SUGP2: variants seen among roughly 807,000 people sequenced by gnomAD.
SUGP2 encodes the protein SURP and G-patch domain-containing protein 2.
SUGP2 carries 24 observed loss-of-function variants against 90.5 expected under a neutral mutation model. The observed-to-expected ratio is 0.27, with a 90% CI of 0.19 to 0.37. The LOEUF is 0.37. Ranked by LOEUF, SUGP2 falls within the 10% of genes least tolerant of loss-of-function variation. The pLI is 1.00. For missense variants in SUGP2, 1,233 were observed against 1,363.3 expected, an observed-to-expected ratio of 0.90 and a Z score of 1.51; for synonymous variants, 473 against 513.4, an observed-to-expected ratio of 0.92 and a Z score of 1.06.
At chr19:19,033,775 C>T, upstream of SUGP2, 1 of 248,822 alleles carries the variant, frequency 4.0e-6, no homozygotes, top group Non-Finnish European at 7.7e-6. Flanking sequence ...GGTTCGCGGT[C>T]GTCCTTGGTT....
At chr19:19,027,563 G>A (rs950489878) in intron 2 of SUGP2, among the ~76,000 whole-genome samples, 1 of 152,110 alleles carries the variant, frequency 6.6e-6, no homozygotes, top group African/African-American at 2.4e-5. Context: ...AATCAAGCAC[G>A]TGGGAACCTG....
At chr19:19,029,119 T>C (rs2059043518) in intron 2 of SUGP2, among the ~76,000 whole-genome samples, 1 of 151,082 alleles carries the variant, frequency 6.6e-6, no homozygotes, top group African/African-American at 2.4e-5. Context: ...GCCAGGGCCA[T>C]AGGCGCATGC....
At chr19:19,004,774 C>T in intron 6 of SUGP2, 128 bp from the exon 7 acceptor site, 1 of 723,682 alleles carries the variant, frequency 1.4e-6, no homozygotes, top group East Asian at 2.7e-5. Context: ...TGACCAGTCT[C>T]TACGCGGCTA....
At chr19:19,002,267 C>G (rs1356914598) in intron 7 of SUGP2, among the ~76,000 whole-genome samples, 1 of 151,886 alleles carries the variant, frequency 6.6e-6, no homozygotes, top group African/African-American at 2.4e-5. Context: ...GCAATCCCAG[C>G]TATTCAGGAG....
At chr19:19,020,058 A>AAAAT (rs1270823396) in intron 3 of SUGP2, among the ~76,000 whole-genome samples, 3 of 143,044 alleles carry the variant, frequency 2.1e-5, no homozygotes, top group African/African-American at 7.8e-5. Context: ...ATCACAAAAA[A>AAAAT]AAATAAATAA....
In SUGP2 at chr19:18,992,453, G is replaced by A. The variant is rs2057403662; in HGVS notation, c.*1288C>T. The stretch of plus-strand genomic sequence containing the variant: ...CAACCTCTGCCTCCCCGGTTCAAGT[G>A]ATTCTCCTGCCTCAGCCTCCTGAGT... On this transcript the variant is annotated 3_prime_UTR_variant, in exon 11 of 11. Transcript: ENST00000452918. The A allele has an allele frequency of 6.7e-6, 1 of 149,374 alleles. No individual in the cohort carries two copies. Among genetic ancestry groups the A allele is most frequent in the South Asian group, 2.1e-4 (1 of 4,706 alleles). The allele number at this position is 149,374 out of a possible 1,614,324, so 9.3% of individuals were successfully genotyped here.
chr19:19,033,662 G>C, upstream of SUGP2: 1 of 730,496 alleles, frequency 1.4e-6, no homozygotes, highest in Non-Finnish European at 1.8e-6. Context: ...CGCTCTGGAG[G>C]CAAAACATTT....
intron 4 of SUGP2, among the ~76,000 whole-genome samples, chr19:19,016,215 TAG>T (rs2058495570): frequency 6.6e-6 from 1 of 152,156 alleles, no homozygotes; most frequent in Admixed American, 6.5e-5. Context: ...GTATTTTTAG[TAG>T]AGACAGGGTT....
At chr19:19,011,432 G>A (rs1461486626) in intron 4 of SUGP2, among the ~76,000 whole-genome samples, 1 of 152,040 alleles carries the variant, frequency 6.6e-6, no homozygotes, top group Non-Finnish European at 1.5e-5. Flanking sequence ...ACAGGTGTGA[G>A]CCACTGCACC....
chr19:19,028,278 GAGA>G (rs932145434), intron 2 of SUGP2, among the ~76,000 whole-genome samples: 1 of 152,170 alleles, frequency 6.6e-6, no homozygotes, highest in African/African-American at 2.4e-5. Flanking sequence ...GACACAAATG[GAGA>G]AGGAGTACCA....
intron 2 of SUGP2, among the ~76,000 whole-genome samples, chr19:19,027,074 G>A (rs1568461825): frequency 6.6e-6 from 1 of 152,258 alleles, no homozygotes. Flanking sequence ...GAGCCCAGGA[G>A]TTTGAGACCA....
chr19:18,998,986 C>T (rs543556804), intron 8 of SUGP2: 6 of 152,486 alleles, frequency 3.9e-5, no homozygotes, highest in African/African-American at 1.4e-4. Context: ...GACCTGGGCC[C>T]TGGGATGACG....
intron 4 of SUGP2, among the ~76,000 whole-genome samples, chr19:19,014,208 G>T (rs930542046): frequency 6.6e-6 from 1 of 152,146 alleles, no homozygotes; most frequent in African/African-American, 2.4e-5. Context: ...GGCCAGGCTG[G>T]TCTCAAATTC....
chr19:19,014,638 A>G (rs1240087463), intron 4 of SUGP2, among the ~76,000 whole-genome samples: 1 of 151,840 alleles, frequency 6.6e-6, no homozygotes, highest in Non-Finnish European at 1.5e-5. Flanking sequence ...AAAAAGAAAA[A>G]AAAAAAAAAG....
chr19:19,024,729 CA>C lies in SUGP2; in HGVS notation c.1618del (p.Cys540ValfsTer19). 6.2e-7 allele frequency: 1 copy of C among 1,614,186 alleles called. No homozygotes were observed. Among genetic ancestry groups the C allele is most frequent in the Non-Finnish European group, 8.5e-7 (1 of 1,180,052 alleles). ...TTCGGCTTTCTTAACCTGGAGGGGA[CA>C]TCCGCTGCTGACTAGCCAGGCCTTC... ...HLKAWLVSSG[C>X]PLQVKKAEPE... is the part of the protein sequence containing the mutation. On this transcript the variant is annotated frameshift_variant, in exon 3 of 11. Coordinates refer to ENST00000452918, the MANE Select transcript of SUGP2 (RefSeq NM_001017392.5). LOFTEE classifies it high-confidence loss of function.
In SUGP2 at chr19:19,014,421, C is replaced by T. The variant is rs557385638; in HGVS notation, c.1851-4079G>A. On this transcript the variant is annotated intron_variant, in intron 4 of 10. Coordinates refer to ENST00000452918, the MANE Select transcript of SUGP2 (RefSeq NM_001017392.5). ...GGTGTGAGGGTGGAAGGTCTCAAAT[C>T]TCTGCTGGCCCTCAGAGGGTGGAGA... Among the ~76,000 whole-genome samples, 7 of 152,232 alleles carry T rather than the reference C, an allele frequency of 4.6e-5. No individual in the cohort carries two copies. In the East Asian group the frequency reaches 1.4e-3, roughly 29 times the overall value.
In SUGP2 at chr19:19,004,458, G is replaced by C; in HGVS notation, c.2639C>G (p.Pro880Arg). Residue 880 changes from proline to arginine, a missense_variant, in exon 7 of 11, where the codon CCG (proline) becomes CGG (arginine). Pro to Arg is a moderately radical substitution (Grantham distance 103). Around this residue, in one of 8 missense-constraint regions of SUGP2, gnomAD observed 540 missense variants for 542.6 expected, o/e 1.00. Transcript: ENST00000452918. ...GEAEFEDEPP[P>R]REAELESPEV... ...TGGGCTCTCCAGCTCAGCCTCCCGC[G>C]GAGGGGGCTCGTCTTCAAACTCTGC... The C allele has an allele frequency of 6.2e-7, 1 of 1,614,154 alleles. No individual in the cohort carries two copies. The highest frequency in any genetic ancestry group is 1.3e-5 in the African/African-American group (1 of 75,048).
In SUGP2 at chr19:19,026,189, C is replaced by T. The variant is rs1160023529; in HGVS notation, c.159G>A (p.Met53Ile). 1 of 1,609,586 alleles carries T rather than the reference C, an allele frequency of 6.2e-7. No individual in the cohort carries two copies. Among genetic ancestry groups the T allele is most frequent in the Non-Finnish European group, 8.5e-7 (1 of 1,178,342 alleles). Reference sequence around the variant, plus strand: ...TGCCATCGCTGTGGACGTCATCATACATCTCTGCTCTGGATCTTGGGACTG... The same window carrying T: ...TGCCATCGCTGTGGACGTCATCATATATCTCTGCTCTGGATCTTGGGACTG... ...LRAVPRSRAE[M>I]YDDVHSDGRY... Residue 53 changes from methionine (M) to isoleucine (I), a missense_variant, in exon 3 of 11, where the codon ATG becomes ATA. Physicochemically the swap from Met to Ile is conservative, Grantham distance 10 (BLOSUM62 1). Transcript: ENST00000452918.
Position 19,017,728 on chromosome 19 carries a change from C to T in SUGP2, c.1850+1381G>A, listed in dbSNP as rs988605570. Among the ~76,000 whole-genome samples, 3 of 152,028 alleles carry T rather than the reference C, an allele frequency of 2.0e-5. No homozygotes were observed. The East Asian group carries it at 5.8e-4, about 29-fold the overall frequency. ...CAGAGGTTGTAGTGAGCCGAGATCA[C>T]ACCACTATACTCCAGCCTGGCGACA... On this transcript the variant is annotated intron_variant, in intron 4 of 10. Transcript: ENST00000452918.
Sources: gnomAD v4.1 joint callset for allele counts (sites outside exome capture counted in the v4.1 genomes callset) on GRCh38, gnomAD v4.1.1 for gene constraint, gnomAD v4.1.1 regional missense constraint, MANE v1.5 for transcripts, NCBI Gene and HGNC (gene_info 2026-07-23, HGNC 2026-07-21) for gene names.